Variants in SHB observed in about 807,000 individuals in gnomAD.
SHB encodes the protein SH2 domain containing adaptor protein B.
In SHB, 20 loss-of-function variants were observed where a neutral mutation model predicts 52.3. The ratio of observed to expected loss-of-function variants is 0.38; its 90% CI spans 0.27 to 0.56. The LOEUF is 0.56. SHB is among the 20% of genes least tolerant of loss of function. The pLI is 0.71. For synonymous variants in SHB, 397 were observed against 316.5 expected (o/e 1.25, Z -2.70); for missense variants, 825 against 723.3 (o/e 1.14, Z -1.61).
At chr9:38,043,889 C>CAA (rs56809865) in intron 1 of SHB, among the ~76,000 whole-genome samples, 1,681 of 129,776 alleles carry the variant, frequency 0.013, 26 homozygotes, top group African/African-American at 0.042. Context: ...AACTCCGTCT[C>CAA]AAAAAAAAAA....
chr9:37,973,931 C>A lies in SHB; in HGVS notation c.1054+691G>T, dbSNP rs1017821190. Among the ~76,000 whole-genome samples, 5 of 152,304 alleles carry A rather than the reference C, an allele frequency of 3.3e-5. No homozygotes were observed. In the South Asian group the frequency reaches 6.2e-4, roughly 19 times the overall value. ...CAGGAGCTGCTGTGCACACTGGGTT[C>A]CTCTTACCTTCTAAGAAAGTTCCTT... On this transcript the variant is annotated intron_variant, in intron 3 of 5. Coordinates refer to ENST00000377707, the MANE Select transcript of SHB (RefSeq NM_003028.3).
At chr9:37,950,397 T>C (rs1211311591) in intron 4 of SHB, among the ~76,000 whole-genome samples, 9 of 152,144 alleles carry the variant, frequency 5.9e-5, no homozygotes, top group African/African-American at 2.2e-4. Context: ...TCCCAAGTAG[T>C]GGGCCTATAG....
At chr9:38,015,276 C>G (rs1268607545) in intron 2 of SHB, 1 of 607,086 alleles carries the variant, frequency 1.6e-6, no homozygotes, top group East Asian at 2.8e-5. Flanking sequence ...CCTAATCCTG[C>G]CTACAAGATG....
intron 1 of SHB, among the ~76,000 whole-genome samples, chr9:38,021,964 A>C (rs986480813): frequency 5.9e-5 from 9 of 152,198 alleles, no homozygotes; most frequent in African/African-American, 2.2e-4. Flanking sequence ...CCGGAAAGTG[A>C]GGGGGCAGCA....
chr9:38,041,636 T>C (rs1821579058), intron 1 of SHB, among the ~76,000 whole-genome samples: 1 of 152,094 alleles, frequency 6.6e-6, no homozygotes, highest in Non-Finnish European at 1.5e-5. Context: ...GGTGGAGATT[T>C]GGATACCAGG....
chr9:38,036,024 G>A (rs148165847), intron 1 of SHB, among the ~76,000 whole-genome samples: 45 of 152,268 alleles, frequency 3.0e-4, no homozygotes, highest in African/African-American at 9.1e-4. Context: ...AACCCAGCGA[G>A]GGGAAGTGAC....
At chr9:37,948,959 A>G (rs1832527686) in intron 4 of SHB, among the ~76,000 whole-genome samples, 1 of 152,138 alleles carries the variant, frequency 6.6e-6, no homozygotes. Context: ...TTTTCACGGG[A>G]AGCTTATGCT....
chr9:38,001,725 T>C (rs1013026706), intron 2 of SHB, among the ~76,000 whole-genome samples: 39 of 152,320 alleles, frequency 2.6e-4, no homozygotes, highest in Admixed American at 2.4e-3. Context: ...AGGGTTAGGG[T>C]TAGTTCCCTT....
At chr9:37,926,144 T>C (rs1832248435) in intron 5 of SHB, among the ~76,000 whole-genome samples, 1 of 152,060 alleles carries the variant, frequency 6.6e-6, no homozygotes, top group African/African-American at 2.4e-5. Flanking sequence ...CATGGCAAGG[T>C]ACCTCCGTGG....
chr9:38,068,646 G>A lies in SHB; in HGVS notation c.-1C>T, dbSNP rs1822011635. On this transcript the variant is annotated 5_prime_UTR_variant, in exon 1 of 6. Coordinates refer to ENST00000377707, the MANE Select transcript of SHB (RefSeq NM_003028.3). ...AGTACTTGTTTAGCCACTTGGCCAT[G>A]GCGAGAGGCCGCCTAGGGCCGCGGC... 7.0e-7 allele frequency: 1 copy of A among 1,428,814 alleles called. No homozygotes were observed. The highest frequency in any genetic ancestry group is 9.1e-7 in the Non-Finnish European group (1 of 1,099,908). 88.5% of individuals were successfully genotyped at this position (1,428,814 alleles called of 1,614,324 possible). A position where few individuals can be genotyped will look rare whatever the true frequency, so the allele number is the denominator to read the frequency against.
Position 38,035,133 on chromosome 9 carries a change from G to T in SHB, c.718-19002C>A, listed in dbSNP as rs577293043. On this transcript the variant is annotated intron_variant, in intron 1 of 5. Coordinates refer to ENST00000377707, the MANE Select transcript of SHB (RefSeq NM_003028.3). ...ATTCAGGGGTATCTGTTGGGGGCAT[G>T]CAAGACAGTGGTCAACCCCTGGCAC... Among the ~76,000 whole-genome samples the T allele has an allele frequency of 1.3e-3, 199 of 152,208 alleles. 4 individuals are homozygous for T. Among genetic ancestry groups the T allele is most frequent in the Admixed American group, 4.4e-3 (68 of 15,300 alleles).
chr9:37,956,165 G>A (rs1348292863), intron 3 of SHB, 111 bp from the exon 4 acceptor site: 1 of 988,164 alleles, frequency 1.0e-6, no homozygotes, highest in African/African-American at 1.6e-5. Flanking sequence ...ACAGCTTGCA[G>A]GAGGAAGGGT....
chr9:37,960,808 G>T (rs1443103091), intron 3 of SHB, among the ~76,000 whole-genome samples: 1 of 152,148 alleles, frequency 6.6e-6, no homozygotes, highest in Non-Finnish European at 1.5e-5. Context: ...GCCCTGCCAC[G>T]TGGGTAATGG....
chr9:38,036,732 G>A (rs1313840868), intron 1 of SHB, among the ~76,000 whole-genome samples: 1 of 152,240 alleles, frequency 6.6e-6, no homozygotes, highest in Non-Finnish European at 1.5e-5. Context: ...AGAGAGCAAG[G>A]ATGGGAGAAG....
chr9:37,919,868 C>A lies in SHB; in HGVS notation c.1483G>T (p.Ala495Ser). 1 of 1,614,104 alleles carries A rather than the reference C, an allele frequency of 6.2e-7. No homozygotes were observed. Among genetic ancestry groups the A allele is most frequent in the Non-Finnish European group, 8.5e-7 (1 of 1,180,002 alleles). The change falls in exon 6 of 6, where the codon GCT becomes TCT. Residue 495 changes from alanine (A) to serine (S), a missense_variant. By Grantham distance (99) the Ala-to-Ser change is moderately conservative. Coordinates refer to ENST00000377707, the MANE Select transcript of SHB (RefSeq NM_003028.3). Reference sequence around the variant, plus strand: ...GGATAGAGGAGGGACAAGTGCTCAGCCCCTTTGATGGGTAGCTTTCTGGTG... The same window carrying A: ...GGATAGAGGAGGGACAAGTGCTCAGACCCTTTGATGGGTAGCTTTCTGGTG... ...YTTRKLPIKG[A>S]EHLSLLYPVA...
chr9:37,993,038 G>A (rs770055263), intron 2 of SHB, among the ~76,000 whole-genome samples: 6 of 152,210 alleles, frequency 3.9e-5, no homozygotes, highest in Non-Finnish European at 8.8e-5. Context: ...TCTCAGCCAG[G>A]AGTTAGCGGC....
chr9:37,969,692 C>T (rs1369217370), intron 3 of SHB, among the ~76,000 whole-genome samples: 1 of 152,206 alleles, frequency 6.6e-6, no homozygotes, highest in Non-Finnish European at 1.5e-5. Context: ...TGGGCCCCTC[C>T]CTACGTGGCC....
chr9:38,032,927 A>C (rs1319491056), intron 1 of SHB, among the ~76,000 whole-genome samples: 1 of 152,212 alleles, frequency 6.6e-6, no homozygotes, highest in Non-Finnish European at 1.5e-5. Flanking sequence ...AGAAAGAGTG[A>C]GCCCTGGTAC....
chr9:38,035,527 T>C (rs968253547), intron 1 of SHB, among the ~76,000 whole-genome samples: 5 of 151,928 alleles, frequency 3.3e-5, no homozygotes, highest in Non-Finnish European at 7.4e-5. Flanking sequence ...GTGAGAGAGG[T>C]TCTCCACCTC....
Sources: gnomAD v4.1 joint callset for allele counts (sites outside exome capture counted in the v4.1 genomes callset) on GRCh38, gnomAD v4.1.1 for gene constraint, MANE v1.5 for transcripts, NCBI Gene and HGNC (gene_info 2026-07-23, HGNC 2026-07-21) for gene names.